PIK3R5: variants seen among roughly 807,000 people sequenced by gnomAD.
PIK3R5 encodes phosphoinositide 3-kinase regulatory subunit 5.
Under a neutral mutation model 94.9 loss-of-function variants are expected in PIK3R5, and 32 were observed. The observed-to-expected ratio is 0.34, with a 90% CI of 0.25 to 0.45. PIK3R5 has a LOEUF of 0.45. PIK3R5 is among the 20% of genes least tolerant of loss of function. PIK3R5 has a pLI of 1.00. For missense variants in PIK3R5, 853 were observed against 1,144.6 expected, an observed-to-expected ratio of 0.75 and a Z score of 3.68; for synonymous variants, 443 against 479.4, an observed-to-expected ratio of 0.92 and a Z score of 0.99.
At chr17:8,908,143 G>A (rs996954826) in intron 3 of PIK3R5, among the ~76,000 whole-genome samples, 1 of 152,036 alleles carries the variant, frequency 6.6e-6, no homozygotes, top group African/African-American at 2.4e-5. Flanking sequence ...AAGGTTTCTC[G>A]GTCCATTTTG....
intron 1 of PIK3R5, among the ~76,000 whole-genome samples, chr17:8,929,333 T>C (rs1156908762): frequency 1.3e-5 from 2 of 151,930 alleles, no homozygotes; most frequent in African/African-American, 2.4e-5. Flanking sequence ...TATAAATATA[T>C]AGACAAATTA....
rs2091551011 is a variant in PIK3R5 at position 8,960,848 on chromosome 17, C to T, written c.-14+4748G>A. 2.0e-5 allele frequency among the ~76,000 whole-genome samples: 3 copies of T among 152,136 alleles called. No homozygotes were observed. In the South Asian group the frequency reaches 6.2e-4, roughly 32 times the overall value. Reference sequence around the variant, plus strand: ...ACACCACTCCCTCCGGGCCCCACCCCCAGCCCCCCACCCCATCCTGTGATC... The same window carrying T: ...ACACCACTCCCTCCGGGCCCCACCCTCAGCCCCCCACCCCATCCTGTGATC... On this transcript the variant is annotated intron_variant, in intron 1 of 18. Transcript: ENST00000447110.
rs1349147394 is a variant in PIK3R5 at position 8,880,796 on chromosome 17, AG to A, written c.2496-11del. 4 of 1,613,008 alleles carry A rather than the reference AG, an allele frequency of 2.5e-6. No homozygotes were observed. Among genetic ancestry groups the A allele is most frequent in the Non-Finnish European group, 2.5e-6 (3 of 1,179,258 alleles). Reference sequence around the variant, plus strand: ...CGGTGAGACCTCACATCTGTGCAGCAGGGCAGGGGCCAGGGATCAGAGCAGG... The same window carrying A: ...CGGTGAGACCTCACATCTGTGCAGCAGGCAGGGGCCAGGGATCAGAGCAGG... On this transcript the variant is annotated splice_polypyrimidine_tract_variant and intron_variant, in intron 18 of 18. Transcript: ENST00000447110.
intron 1 of PIK3R5, among the ~76,000 whole-genome samples, chr17:8,965,032 A>ACACACACACACAC (rs2072699078): frequency 1.0e-5 from 1 of 95,450 alleles, no homozygotes; most frequent in African/African-American, 3.2e-5. Context: ...CACACACACG[A>ACACACACACACAC]GTCACGCGGG....
rs145749421 is a variant in PIK3R5, at chr17:8,908,966, A to G, written c.204+108T>C. 1,640 of 680,662 alleles carry G rather than the reference A, an allele frequency of 2.4e-3. 11 individuals carry two copies. The African/African-American group carries it at 0.025, about 11-fold the overall frequency. 42.2% of individuals were successfully genotyped at this position (680,662 alleles called of 1,614,324 possible). Reference sequence around the variant, plus strand: ...TCACAGGTTCCCAGGGCCTTTGCCCAGCCCCTCTGGAGGTCCAGGCACCCA... The same window carrying G: ...TCACAGGTTCCCAGGGCCTTTGCCCGGCCCCTCTGGAGGTCCAGGCACCCA... On this transcript the variant is annotated intron_variant, in intron 3 of 18. Transcript: ENST00000447110.
chr17:8,921,839 TG>T (rs2090754075), intron 1 of PIK3R5, among the ~76,000 whole-genome samples: 1 of 152,016 alleles, frequency 6.6e-6, no homozygotes, highest in African/African-American at 2.4e-5. Flanking sequence ...GAAGAAAAAT[TG>T]GGGGAAGCTT....
At chr17:8,957,165 T>A (rs1168716870) in intron 1 of PIK3R5, among the ~76,000 whole-genome samples, 1 of 152,170 alleles carries the variant, frequency 6.6e-6, no homozygotes, top group Non-Finnish European at 1.5e-5. Flanking sequence ...AACTACAGGC[T>A]CTTTAAAAAT....
chr17:8,896,747 ATG>A lies in PIK3R5; in HGVS notation c.413-3094_413-3093del, dbSNP rs1473588109. Among the ~76,000 whole-genome samples the A allele has an allele frequency of 6.6e-6, 1 of 152,196 alleles. No homozygotes were observed. The highest frequency in any genetic ancestry group is 1.9e-4 in the East Asian group (1 of 5,198). ...TGCCATCAAGCAAGCACTGGTATTA[ATG>A]ACACACGGATAGACAGGTCCATGCT... On this transcript the variant is annotated intron_variant, in intron 5 of 18. Coordinates refer to ENST00000447110, the MANE Select transcript of PIK3R5 (RefSeq NM_001142633.3). The surrounding 1 kb of genome is among the most constrained non-coding windows in gnomAD (Gnocchi z 4.0).
At position 8,954,160 on chromosome 17, in the gene PIK3R5, G is replaced by C. The variant is rs2091427664; in HGVS notation, c.-14+11436C>G. On this transcript the variant is annotated intron_variant, in intron 1 of 18. Transcript: ENST00000447110. ...CCCGGCTTGGGAGTGAGAAAAGGAA[G>C]TTTTTTGTTCTAGAGATTTCCACAT... Among the ~76,000 whole-genome samples, 3 of 152,240 alleles carry C rather than the reference G, an allele frequency of 2.0e-5. No individual in the cohort carries two copies. The South Asian group carries it at 6.2e-4, about 31-fold the overall frequency.
In PIK3R5 at chr17:8,905,031, C is replaced by T. The variant is rs139803775; in HGVS notation, c.274-116G>A. The T allele has an allele frequency of 1.2e-3, 1,400 of 1,132,038 alleles. 15 individuals carry two copies. In the African/African-American group the frequency reaches 0.019, roughly 16 times the overall value. The allele number at this position is 1,132,038 out of a possible 1,614,324, so 70.1% of individuals were successfully genotyped here. ...CCACAAAAGACACACATTTCCTGGCCGCAGCGTGTCCCAGGACAAGGTCAG... is the reference window on the plus strand; with the variant it reads ...CCACAAAAGACACACATTTCCTGGCTGCAGCGTGTCCCAGGACAAGGTCAG... On this transcript the variant is annotated intron_variant, in intron 4 of 18. Coordinates refer to ENST00000447110, the MANE Select transcript of PIK3R5 (RefSeq NM_001142633.3).
At position 8,880,493 on chromosome 17, in the gene PIK3R5, C is replaced by T. The variant is rs1597459404; in HGVS notation, c.*146G>A. Reference sequence around the variant, plus strand: ...ACCCTGAGGCCCCAGAAACCCTCTACTCCCAGCCCCTGCTCATTGCAGGAC... The same window carrying T: ...ACCCTGAGGCCCCAGAAACCCTCTATTCCCAGCCCCTGCTCATTGCAGGAC... On this transcript the variant is annotated 3_prime_UTR_variant, in exon 19 of 19. Coordinates refer to ENST00000447110, the MANE Select transcript of PIK3R5 (RefSeq NM_001142633.3). 11 of 779,926 alleles carry T rather than the reference C, an allele frequency of 1.4e-5. No homozygotes were observed. In the East Asian group the frequency reaches 2.6e-4, roughly 18 times the overall value. 48.3% of individuals were successfully genotyped at this position (779,926 alleles called of 1,614,324 possible). A position where few individuals can be genotyped will look rare whatever the true frequency, so the allele number is the denominator to read the frequency against.
intron 1 of PIK3R5, among the ~76,000 whole-genome samples, chr17:8,948,984 A>G (rs895994218): frequency 2.1e-4 from 32 of 152,170 alleles, no homozygotes; most frequent in African/African-American, 7.7e-4. Flanking sequence ...TTCTCCAAAA[A>G]GGTGACTCCC....
At position 8,881,560 on chromosome 17, in the gene PIK3R5, C is replaced by T. The variant is rs975994287; in HGVS notation, c.2382+70G>A. On this transcript the variant is annotated intron_variant, in intron 17 of 18. Transcript: ENST00000447110. This position sits in a 1 kb window ranked among gnomAD's most constrained non-coding sequence, Gnocchi z 4.8. ...ACACATACATGTGCACACACACGTA[C>T]ACACATACGCACATGCACGCTCCAG... The T allele has an allele frequency of 1.5e-5, 18 of 1,182,464 alleles. No homozygotes were observed. Among genetic ancestry groups the T allele is most frequent in the Non-Finnish European group, 2.1e-5 (17 of 807,500 alleles). 73.2% of individuals were successfully genotyped at this position (1,182,464 alleles called of 1,614,324 possible).
intron 1 of PIK3R5, among the ~76,000 whole-genome samples, chr17:8,958,841 CT>C (rs1006615560): frequency 3.3e-5 from 5 of 151,854 alleles, no homozygotes; most frequent in African/African-American, 9.7e-5. Context: ...TCACCACAAC[CT>C]CCGCCTCCGT....
Position 8,886,311 on chromosome 17 carries a change from G to T in PIK3R5, c.2046C>A (p.Ile682=). The T allele has an allele frequency of 1.2e-6, 2 of 1,613,358 alleles. No homozygotes were observed. The highest frequency in any genetic ancestry group is 1.7e-6 in the Non-Finnish European group (2 of 1,179,588). The part of the protein sequence containing the change: ...LQVYQTELTF[I]TGEKTTEIFI... ...AGATCTCTGTCGTCTTCTCCCCAGT[G>T]ATGAAGGTCAGCTGGAGAGGGCAGG... The change falls in exon 14 of 19, where the codon ATC becomes ATA. Residue 682 remains isoleucine, a synonymous_variant. Coordinates refer to ENST00000447110, the MANE Select transcript of PIK3R5 (RefSeq NM_001142633.3).
chr17:8,928,085 T>C (rs77055380), intron 1 of PIK3R5, among the ~76,000 whole-genome samples: 3,841 of 152,240 alleles, frequency 0.025, 163 homozygotes, highest in African/African-American at 0.088. Context: ...CAGCCTTGGG[T>C]ATCCTTTATA....
intron 1 of PIK3R5, among the ~76,000 whole-genome samples, chr17:8,931,996 G>A (rs576824159): frequency 2.6e-5 from 4 of 152,312 alleles, no homozygotes; most frequent in East Asian, 1.9e-4. Flanking sequence ...ACGCTCAACA[G>A]TGTGGCATCC....
chr17:8,951,572 T>G (rs1567672085), intron 1 of PIK3R5, among the ~76,000 whole-genome samples: 1 of 152,260 alleles, frequency 6.6e-6, no homozygotes, highest in Non-Finnish European at 1.5e-5. Flanking sequence ...TAGCATGTGT[T>G]TGAACCTCAT....
In PIK3R5 at chr17:8,893,277, T is replaced by C. The variant is rs2090071150; in HGVS notation, c.482+309A>G. Among the ~76,000 whole-genome samples, 1 of 152,184 alleles carries C rather than the reference T, an allele frequency of 6.6e-6. No homozygotes were observed. The highest frequency in any genetic ancestry group is 6.5e-5 in the Admixed American group (1 of 15,284). ...CCTTGGGGAAGTTGCTTGACCTCTC[T>C]GACCTCCAGTTCCTCATCTGAAAAT... On this transcript the variant is annotated intron_variant, in intron 6 of 18. Coordinates refer to ENST00000447110, the MANE Select transcript of PIK3R5 (RefSeq NM_001142633.3). The surrounding 1 kb of genome is among the most constrained non-coding windows in gnomAD (Gnocchi z 5.1).
Sources: gnomAD v4.1 joint callset for allele counts (sites outside exome capture counted in the v4.1 genomes callset) on GRCh38, gnomAD v4.1.1 for gene constraint, Gnocchi (gnomAD v3.1) non-coding constraint, MANE v1.5 for transcripts, NCBI Gene and HGNC (gene_info 2026-07-23, HGNC 2026-07-21) for gene names.